SENP1: variants seen among roughly 807,000 people sequenced by gnomAD.
The protein encoded by SENP1 is sentrin-specific protease 1.
SENP1 carries 21 observed loss-of-function variants against 93.0 expected under a neutral mutation model. The observed-to-expected ratio is 0.23, with a 90% CI of 0.16 to 0.33. The LOEUF (loss-of-function observed/expected upper bound fraction) is 0.33. Among genes scored for constraint, SENP1 ranks in the 10% least tolerant of loss-of-function variants. SENP1 has a pLI of 1.00. For synonymous variants in SENP1, 256 were observed against 259.6 expected, an observed-to-expected ratio of 0.99 and a Z score of 0.13; for missense variants, 591 against 758.7, an observed-to-expected ratio of 0.78 and a Z score of 2.60.
At chr12:48,075,634 T>C (rs534415125) in intron 6 of SENP1, among the ~76,000 whole-genome samples, 19 of 152,338 alleles carry the variant, frequency 1.2e-4, no homozygotes, top group African/African-American at 3.4e-4. Context: ...GAAAACCATA[T>C]ACTTCCTAAC....
intron 12 of SENP1, 26 bp downstream of exon 12, chr12:48,065,039 G>A (rs756291188): frequency 6.9e-7 from 1 of 1,453,464 alleles, no homozygotes; most frequent in Admixed American, 1.7e-5. Flanking sequence ...ACTTAGTAGT[G>A]TAGAAATTAA....
chr12:48,104,776 G>A (rs1439924977), intron 1 of SENP1, among the ~76,000 whole-genome samples: 2 of 152,178 alleles, frequency 1.3e-5, no homozygotes, highest in African/African-American at 4.8e-5. Flanking sequence ...GCCAGAAGTA[G>A]CAGAACCTGT....
chr12:48,051,547 T>C (rs1941812741), intron 13 of SENP1, among the ~76,000 whole-genome samples: 1 of 152,156 alleles, frequency 6.6e-6, no homozygotes, highest in Admixed American at 6.5e-5. Flanking sequence ...TTTTAGCTAT[T>C]ACACCATCCA....
Position 48,074,508 on chromosome 12 carries a change from TG to T in SENP1, c.755del (p.Ser252TyrfsTer8). On this transcript the variant is annotated frameshift_variant, in exon 8 of 18. Transcript: ENST00000549518. LOFTEE classifies it high-confidence loss of function. Reference protein sequence around the residue: ...ASQIIGSDTSSSGSASILTNQ... With the variant: ...ASQIIGSDTSXSGSASILTNQ... Reference sequence around the variant, plus strand: ...TAGTTAAAATGCTGGCAGATCCAGATGATGAAGTATCAGAGCCAATGATCTG... The same window carrying T: ...TAGTTAAAATGCTGGCAGATCCAGATATGAAGTATCAGAGCCAATGATCTG... 6.2e-7 allele frequency: 1 copy of T among 1,613,882 alleles called. No homozygotes were observed. The highest frequency in any genetic ancestry group is 8.5e-7 in the Non-Finnish European group (1 of 1,179,862).
At chr12:48,104,298 G>A (rs1189206207) in intron 1 of SENP1, among the ~76,000 whole-genome samples, 1 of 134,108 alleles carries the variant, frequency 7.5e-6, no homozygotes, top group Non-Finnish European at 1.6e-5. Context: ...GAGAGAGAGA[G>A]AGAGACGCAA....
intron 8 of SENP1, among the ~76,000 whole-genome samples, chr12:48,072,800 T>A (rs1269012516): frequency 6.6e-6 from 1 of 152,170 alleles, no homozygotes; most frequent in Non-Finnish European, 1.5e-5. Flanking sequence ...AGTATGTATG[T>A]ATAGGAAAAA....
At chr12:48,089,022 C>CA in intron 4 of SENP1, 62 bp from the exon 5 acceptor site, 1 of 1,531,264 alleles carries the variant, frequency 6.5e-7, no homozygotes, top group Non-Finnish European at 8.9e-7. Flanking sequence ...CTTATGACTG[C>CA]AACCATGACC....
intron 13 of SENP1, among the ~76,000 whole-genome samples, chr12:48,059,910 C>A (rs1380864040): frequency 1.3e-5 from 2 of 152,126 alleles, no homozygotes; most frequent in African/African-American, 4.8e-5. Context: ...CTGGTTGGAA[C>A]ATAAACTATT....
At position 48,044,442 on chromosome 12, in the gene SENP1, C is replaced by T. The variant is rs1394571591; in HGVS notation, c.*880G>A. 2.7e-5 allele frequency: 4 copies of T among 150,612 alleles called. No individual in the cohort carries two copies. The highest frequency in any genetic ancestry group is 1.5e-5 in the Non-Finnish European group (1 of 67,780). 9.3% of individuals were successfully genotyped at this position (150,612 alleles called of 1,614,324 possible). A position where few individuals can be genotyped will look rare whatever the true frequency, so the allele number is the denominator to read the frequency against. ...TGGTTAGAAACATATTTAAACTAGCCACAGACCAAACTAGATCTGCATTCA... is the reference window on the plus strand; with the variant it reads ...TGGTTAGAAACATATTTAAACTAGCTACAGACCAAACTAGATCTGCATTCA... On this transcript the variant is annotated 3_prime_UTR_variant, in exon 18 of 18. Transcript: ENST00000549518.
intron 15 of SENP1, among the ~76,000 whole-genome samples, 172 bp downstream of exon 15, chr12:48,047,829 C>T (rs139699921): frequency 2.0e-5 from 3 of 152,240 alleles, no homozygotes; most frequent in Middle Eastern, 3.4e-3. Flanking sequence ...TTAGGGCATA[C>T]TTTGGTATTG....
At chr12:48,077,918 G>A (rs1399175613) in intron 6 of SENP1, among the ~76,000 whole-genome samples, 1 of 151,950 alleles carries the variant, frequency 6.6e-6, no homozygotes, top group Non-Finnish European at 1.5e-5. Context: ...GCTATTCAGG[G>A]ATTTATGTGG....
intron 13 of SENP1, among the ~76,000 whole-genome samples, chr12:48,054,089 G>A (rs1018447422): frequency 2.6e-5 from 4 of 152,222 alleles, no homozygotes; most frequent in African/African-American, 9.6e-5. Flanking sequence ...ATAGGGCATA[G>A]AGGGCTGAGT....
At chr12:48,089,963 C>G (rs1051123361) in intron 4 of SENP1, among the ~76,000 whole-genome samples, 2 of 152,112 alleles carry the variant, frequency 1.3e-5, no homozygotes, top group Non-Finnish European at 1.5e-5. Context: ...AAATAGGCAG[C>G]CTTCCAAAAT....
rs1376246983 is a variant in SENP1 at position 48,057,073 on chromosome 12, AATATATT to A, written c.1407+6630_1407+6636del. Among the ~76,000 whole-genome samples the A allele has an allele frequency of 1.1e-3, 68 of 59,832 alleles. 6 individuals are homozygous for A. The highest frequency in any genetic ancestry group is 6.0e-3 in the African/African-American group (53 of 8,850). The allele number at this position is 59,832 out of a possible 152,430, so 39.3% of individuals were successfully genotyped here. On this transcript the variant is annotated intron_variant, in intron 13 of 17. Transcript: ENST00000549518. ...TATTACATATATAAATATATTATTT[AATATATT>A]ATATATTACATATATAAATATATTA...
intron 4 of SENP1, chr12:48,089,187 T>C (rs1331507050): frequency 6.6e-7 from 1 of 1,517,726 alleles, no homozygotes; most frequent in Non-Finnish European, 8.9e-7. Context: ...AGGAGCTGAA[T>C]CCTGCCACAG....
In SENP1 at chr12:48,105,470, T is replaced by G. The variant is rs1472727670; in HGVS notation, c.-45+558A>C. The G allele has an allele frequency of 5.8e-6, 3 of 518,134 alleles. No homozygotes were observed. In the African/African-American group the frequency reaches 5.8e-5, roughly 10 times the overall value. The allele number at this position is 518,134 out of a possible 1,614,324, so 32.1% of individuals were successfully genotyped here. On this transcript the variant is annotated intron_variant, in intron 1 of 17. Coordinates refer to ENST00000549518, the MANE Select transcript of SENP1 (RefSeq NM_001267594.2). ...GATTTTCATAACCTGAGCAGGAGGGTCCAGACGTTTCTTTCTGATGGTGGC... is the reference window on the plus strand; with the variant it reads ...GATTTTCATAACCTGAGCAGGAGGGGCCAGACGTTTCTTTCTGATGGTGGC...
intron 13 of SENP1, among the ~76,000 whole-genome samples, chr12:48,062,475 G>A (rs751326937): frequency 2.0e-5 from 3 of 152,204 alleles, no homozygotes; most frequent in Non-Finnish European, 2.9e-5. Context: ...TATTCAGGGA[G>A]TGATGAGCTT....
Position 48,101,461 on chromosome 12 carries a change from A to T in SENP1, c.4+8T>A. The T allele has an allele frequency of 6.3e-7, 1 of 1,597,028 alleles. No individual in the cohort carries two copies. The highest frequency in any genetic ancestry group is 8.5e-7 in the Non-Finnish European group (1 of 1,172,338). On this transcript the variant is annotated splice_region_variant and intron_variant, in intron 2 of 17. Coordinates refer to ENST00000549518, the MANE Select transcript of SENP1 (RefSeq NM_001267594.2). ...AGCTAAAAGGATTCAACAGCTAGTTAGTCTTACCCATTTCAAGTCTTTTCA... is the reference window on the plus strand; with the variant it reads ...AGCTAAAAGGATTCAACAGCTAGTTTGTCTTACCCATTTCAAGTCTTTTCA...
chr12:48,102,200 A>C (rs1945984473), intron 1 of SENP1, among the ~76,000 whole-genome samples: 1 of 152,158 alleles, frequency 6.6e-6, no homozygotes, highest in African/African-American at 2.4e-5. Flanking sequence ...CGAGGAGGGC[A>C]GATCACTTGG....
Sources: gnomAD v4.1 joint callset for allele counts (sites outside exome capture counted in the v4.1 genomes callset) on GRCh38, gnomAD v4.1.1 for gene constraint, MANE v1.5 for transcripts, NCBI Gene and HGNC (gene_info 2026-07-23, HGNC 2026-07-21) for gene names.